DHX36: variants seen among roughly 807,000 people sequenced by gnomAD.
The protein encoded by DHX36 is ATP-dependent DNA/RNA helicase DHX36.
In DHX36, 50 loss-of-function variants were observed where a neutral mutation model predicts 139.0. That is an observed-to-expected ratio of 0.36 (90% CI 0.29 to 0.46). The LOEUF (loss-of-function observed/expected upper bound fraction) is 0.46, where lower values mean the gene tolerates loss of function less well. DHX36 is among the 20% of genes least tolerant of loss of function. The pLI, the probability that DHX36 is intolerant of heterozygous loss-of-function variation, is 1.00. For synonymous variants in DHX36, 425 were observed against 401.9 expected (o/e 1.06, Z -0.69); for missense variants, 1,024 against 1,211.3 (o/e 0.85, Z 2.29).
chr3:154,277,803 A>T, intron 22 of DHX36, 85 bp from the exon 23 acceptor site: 1 of 1,285,400 alleles, frequency 7.8e-7, no homozygotes, highest in Non-Finnish European at 1.0e-6. Context: ...AAACTGATAG[A>T]AGAGCTTGGT....
chr3:154,316,282 A>C, intron 1 of DHX36, 119 bp from the exon 2 acceptor site: 1 of 1,336,500 alleles, frequency 7.5e-7, no homozygotes, highest in African/African-American at 1.5e-5. Context: ...ATATAAAAGA[A>C]AGTTATCCAC....
At chr3:154,300,573 A>G (rs758573524) in intron 11 of DHX36, 21 bp downstream of exon 11, 17 of 1,579,986 alleles carry the variant, frequency 1.1e-5, no homozygotes, top group Middle Eastern at 3.7e-4. Flanking sequence ...TGTTAACTGA[A>G]GAAAGAAAAA....
At chr3:154,289,648 C>T in intron 16 of DHX36, 61 bp downstream of exon 16, 1 of 993,738 alleles carries the variant, frequency 1.0e-6, no homozygotes. Context: ...CTTTGTTCTA[C>T]AAAAGATGTT....
intron 3 of DHX36, among the ~76,000 whole-genome samples, chr3:154,313,070 AACTT>A (rs908171388): frequency 2.0e-4 from 30 of 151,290 alleles, no homozygotes; most frequent in South Asian, 1.5e-3. Flanking sequence ...ACCTTGTAAT[AACTT>A]ACTTATCTTG....
Position 154,304,759 on chromosome 3 carries a change from G to A in DHX36, c.1135+47C>T, listed in dbSNP as rs73872807. 2.2e-3 allele frequency: 2,995 copies of A among 1,386,054 alleles called. 55 individuals carry two copies. In the African/African-American group the frequency reaches 0.04, roughly 18 times the overall value. 85.9% of individuals were successfully genotyped at this position (1,386,054 alleles called of 1,614,324 possible). Reference sequence around the variant, plus strand: ...TAGTACCATATTAATTTTTTTAATTGTTTTTCTAGTACCTTTTCTAATGTA... The same window carrying A: ...TAGTACCATATTAATTTTTTTAATTATTTTTCTAGTACCTTTTCTAATGTA... On this transcript the variant is annotated intron_variant, in intron 8 of 24. Coordinates refer to ENST00000496811, the MANE Select transcript of DHX36 (RefSeq NM_020865.3).
intron 19 of DHX36, among the ~76,000 whole-genome samples, chr3:154,284,133 C>A (rs755794862): frequency 1.3e-5 from 2 of 152,096 alleles, no homozygotes; most frequent in Non-Finnish European, 2.9e-5. Flanking sequence ...AGCTAAATTT[C>A]AACATTCTCA....
intron 12 of DHX36, among the ~76,000 whole-genome samples, chr3:154,296,335 G>A (rs1259421075): frequency 1.1e-4 from 17 of 152,122 alleles, no homozygotes; most frequent in African/African-American, 3.4e-4. Flanking sequence ...TTAGCTGGGC[G>A]TGTTGGCGGG....
At position 154,273,441 on chromosome 3, in the gene DHX36, G is replaced by A. The variant is rs1331101319; in HGVS notation, c.*2730C>T. The A allele has an allele frequency of 1.3e-5, 2 of 152,098 alleles. No homozygotes were observed. The highest frequency in any genetic ancestry group is 1.5e-5 in the Non-Finnish European group (1 of 68,032). 9.4% of individuals were successfully genotyped at this position (152,098 alleles called of 1,614,324 possible). A position where few individuals can be genotyped will look rare whatever the true frequency, so the allele number is the denominator to read the frequency against. ...GAACCAACTAATAATCTTTTTTACA[G>A]AATCTCTAAATCCTTTCTTCCAAGA... On this transcript the variant is annotated 3_prime_UTR_variant, in exon 25 of 25. Coordinates refer to ENST00000496811, the MANE Select transcript of DHX36 (RefSeq NM_020865.3).
rs12634173 is a variant in DHX36 at position 154,311,700 on chromosome 3, T to C, written c.604-26A>G. On this transcript the variant is annotated intron_variant, in intron 3 of 24. Transcript: ENST00000496811. ...CTGAAATTTAAAAAAAGTTTTAAAT[T>C]TTCACAGAAGATATGTAATCAAATT... The C allele has an allele frequency of 7.9e-4, 1,245 of 1,575,002 alleles. 6 individuals carry two copies. In the East Asian group the frequency reaches 0.019, roughly 24 times the overall value.
Position 154,299,861 on chromosome 3 carries a change from A to G in DHX36, c.1526T>C (p.Met509Thr). ...ACCTGATTTAAACATTACTTGTGAC[A>G]TCAAGAGATCATGTAAAGTGCTGAT... ...DNISTLHDLLMSQVMFKSDKF... is the reference protein window; with the variant it reads ...DNISTLHDLLTSQVMFKSDKF... Residue 509 changes from methionine to threonine, a missense_variant, in exon 12 of 25, where the codon ATG becomes ACG. Met to Thr is a moderately conservative substitution (Grantham distance 81). Around this residue, in one of 4 missense-constraint regions of DHX36, gnomAD observed 470 missense variants for 616.2 expected, o/e 0.76. Coordinates refer to ENST00000496811, the MANE Select transcript of DHX36 (RefSeq NM_020865.3). The G allele has an allele frequency of 6.2e-7, 1 of 1,613,078 alleles. No individual in the cohort carries two copies. The highest frequency in any genetic ancestry group is 8.5e-7 in the Non-Finnish European group (1 of 1,179,066).
intron 1 of DHX36, 57 bp downstream of exon 1, chr3:154,324,117 G>C: frequency 6.6e-7 from 1 of 1,512,962 alleles, no homozygotes; most frequent in Non-Finnish European, 9.0e-7. Context: ...GGGGGCAGCG[G>C]GAGAGAGAAG....
intron 17 of DHX36, among the ~76,000 whole-genome samples, chr3:154,288,367 AAAATC>A (rs1182824927): frequency 6.6e-6 from 1 of 152,030 alleles, no homozygotes; most frequent in Non-Finnish European, 1.5e-5. Flanking sequence ...ATCAAAAAAA[AAAATC>A]AAGCCATTAT....
rs183744978 is a variant in DHX36 at position 154,309,591 on chromosome 3, A to G, written c.813+62T>C. 1.3e-4 allele frequency: 177 copies of G among 1,388,974 alleles called. 1 individual carries two copies. The highest frequency in any genetic ancestry group is 3.0e-5 in the South Asian group (2 of 67,100). 86.0% of individuals were successfully genotyped at this position (1,388,974 alleles called of 1,614,324 possible). On this transcript the variant is annotated intron_variant, in intron 5 of 24. Transcript: ENST00000496811. Reference sequence around the variant, plus strand: ...AGAATCACTCCACACCTTCAGAATCAGTAGGTTCTAGCAAGATTACTTTTA... The same window carrying G: ...AGAATCACTCCACACCTTCAGAATCGGTAGGTTCTAGCAAGATTACTTTTA...
chr3:154,317,422 G>A (rs1713028690), intron 1 of DHX36, among the ~76,000 whole-genome samples: 1 of 152,008 alleles, frequency 6.6e-6, no homozygotes, highest in African/African-American at 2.4e-5. Flanking sequence ...CAGAGACACA[G>A]GAATTCTCTT....
chr3:154,278,059 G>A (rs1403827467), intron 22 of DHX36, among the ~76,000 whole-genome samples: 1 of 151,852 alleles, frequency 6.6e-6, no homozygotes. Context: ...TACCACTGAA[G>A]AATAAATAAC....
In DHX36 at chr3:154,285,373, G is replaced by A. The variant is rs1460716102; in HGVS notation, c.2032-386C>T. Among the ~76,000 whole-genome samples the A allele has an allele frequency of 7.2e-5, 11 of 152,254 alleles. 2 individuals are homozygous for A. The Middle Eastern group carries it at 0.024, about 330-fold the overall frequency. On this transcript the variant is annotated intron_variant, in intron 17 of 24. Transcript: ENST00000496811. ...TCTAGATTCTAGTAGTTTAGGTGAC[G>A]CGAGACAGAAAAGCAAAAGAAAAAG...
intron 14 of DHX36, among the ~76,000 whole-genome samples, chr3:154,292,942 A>C (rs956086997): frequency 6.6e-6 from 1 of 152,164 alleles, no homozygotes; most frequent in African/African-American, 2.4e-5. Flanking sequence ...GTGACAGCAC[A>C]GTATTAGTTC....
chr3:154,297,147 C>G (rs1460581817), intron 12 of DHX36, among the ~76,000 whole-genome samples: 1 of 152,082 alleles, frequency 6.6e-6, no homozygotes, highest in Non-Finnish European at 1.5e-5. Context: ...TGTTCTAGAG[C>G]TAGATCAAAA....
At chr3:154,300,867 G>T in intron 10 of DHX36, 120 bp downstream of exon 10, 3 of 1,418,520 alleles carry the variant, frequency 2.1e-6, no homozygotes, top group South Asian at 1.2e-5. Flanking sequence ...TATTTAGCTC[G>T]AATAAGAGAC....
Sources: gnomAD v4.1 joint callset for allele counts (sites outside exome capture counted in the v4.1 genomes callset) on GRCh38, gnomAD v4.1.1 for gene constraint, gnomAD v4.1.1 regional missense constraint, MANE v1.5 for transcripts, NCBI Gene and HGNC (gene_info 2026-07-23, HGNC 2026-07-21) for gene names.